LINGO2: variants seen among roughly 807,000 people sequenced by gnomAD.
LINGO2 encodes leucine rich repeat and Ig domain containing 2.
In LINGO2, 14 loss-of-function variants were observed where a neutral mutation model predicts 30.6. The ratio of observed to expected loss-of-function variants is 0.46; its 90% CI spans 0.30 to 0.72. The LOEUF (loss-of-function observed/expected upper bound fraction) is 0.72, where lower values mean the gene tolerates loss of function less well. Among genes scored for constraint, LINGO2 ranks in the 30% least tolerant of loss-of-function variants. The pLI is 0.07. For missense variants in LINGO2, 729 were observed against 751.7 expected (o/e 0.97, Z 0.35); for synonymous variants, 317 against 288.5 (o/e 1.10, Z -1.00).
chr9:28,013,991 C>T (rs867503802), intron 4 of LINGO2, among the ~76,000 whole-genome samples: 1 of 152,146 alleles, frequency 6.6e-6, no homozygotes, highest in Non-Finnish European at 1.5e-5. Context: ...GAAGTACATG[C>T]TCTGGTATTT....
chr9:28,551,090 G>A (rs1193080321), intron 1 of LINGO2, among the ~76,000 whole-genome samples: 2 of 151,676 alleles, frequency 1.3e-5, no homozygotes, highest in African/African-American at 4.8e-5. Context: ...ATACATAAAG[G>A]CAGTAAAGTC....
intron 4 of LINGO2, among the ~76,000 whole-genome samples, chr9:28,054,107 G>A (rs139963915): frequency 4.9e-4 from 75 of 152,126 alleles, no homozygotes; most frequent in African/African-American, 1.7e-3. Flanking sequence ...GAGGTGGGGA[G>A]AAGCCTGTTA....
intron 1 of LINGO2, among the ~76,000 whole-genome samples, chr9:28,650,374 T>TGGG (rs1828039503): frequency 6.6e-6 from 1 of 152,160 alleles, no homozygotes; most frequent in Non-Finnish European, 1.5e-5. Flanking sequence ...ATCTCCAAAT[T>TGGG]CGCAAATGTA....
At chr9:27,958,494 A>G (rs1668007609) in intron 5 of LINGO2, among the ~76,000 whole-genome samples, 1 of 152,118 alleles carries the variant, frequency 6.6e-6, no homozygotes, top group South Asian at 2.1e-4. Flanking sequence ...TTTATTACTA[A>G]TGGTCAACTG....
upstream of LINGO2, among the ~76,000 whole-genome samples, chr9:28,673,469 C>A (rs1319263171): frequency 6.6e-6 from 1 of 152,014 alleles, no homozygotes. Flanking sequence ...CAGTTTGAGA[C>A]CAGCCTGGCC....
At chr9:28,813,847 G>C in the LINGO2 span, among the ~76,000 whole-genome samples, 1 of 152,132 alleles carries the variant, frequency 6.6e-6, no homozygotes, top group Admixed American at 6.5e-5. Context: ...TAGTGAGATA[G>C]TTTCCTTTAA....
In LINGO2 at chr9:28,557,724, A is replaced by T. The variant is rs541333084; in HGVS notation, c.-364-81699T>A. 2.5e-3 allele frequency among the ~76,000 whole-genome samples: 372 copies of T among 151,076 alleles called. 4 individuals are homozygous for T. Among genetic ancestry groups the T allele is most frequent in the African/African-American group, 8.8e-3 (357 of 40,798 alleles). On this transcript the variant is annotated intron_variant, in intron 1 of 5. Transcript: ENST00000379992. Reference sequence around the variant, plus strand: ...TATGTTTATTGCGGCATTATTCACAATAGCAAAGACTTGGAACCAACCCAA... The same window carrying T: ...TATGTTTATTGCGGCATTATTCACATTAGCAAAGACTTGGAACCAACCCAA...
chr9:29,213,303 T>C, the LINGO2 span, among the ~76,000 whole-genome samples: 1 of 151,888 alleles, frequency 6.6e-6, no homozygotes, highest in African/African-American at 2.4e-5. Context: ...CCCCCCTTTC[T>C]CCCCTTAATT....
chr9:28,335,443 T>C (rs1453029942), intron 3 of LINGO2, among the ~76,000 whole-genome samples: 2 of 152,162 alleles, frequency 1.3e-5, no homozygotes, highest in African/African-American at 4.8e-5. Flanking sequence ...AAATTTCATA[T>C]TCTACTGCAC....
intron 2 of LINGO2, among the ~76,000 whole-genome samples, chr9:28,373,520 A>C (rs10757735): frequency 0.78 from 119,242 of 152,094 alleles, 47,969 homozygotes; most frequent in Middle Eastern, 0.9. Context: ...ATTTACCCAA[A>C]CGATGTTTTT....
At chr9:27,942,909 G>T in the LINGO2 span, 5 of 152,038 alleles carry the variant, frequency 3.3e-5, no homozygotes, top group Non-Finnish European at 7.4e-5. Context: ...AAGCAACTCA[G>T]GTTTTTATGA....
chr9:28,369,561 C>G (rs61156420), intron 3 of LINGO2, among the ~76,000 whole-genome samples: 5,365 of 152,210 alleles, frequency 0.035, 190 homozygotes, highest in East Asian at 0.11. Flanking sequence ...ATTCTTATCT[C>G]TCCTCTTCCA....
intron 4 of LINGO2, among the ~76,000 whole-genome samples, chr9:28,206,156 C>A (rs1334391544): frequency 9.2e-6 from 1 of 108,468 alleles, no homozygotes; most frequent in Non-Finnish European, 1.7e-5. Context: ...CAGAGTGAGA[C>A]CCTGTTTCAA....
At chr9:28,910,555 T>A in the LINGO2 span, among the ~76,000 whole-genome samples, 1 of 152,030 alleles carries the variant, frequency 6.6e-6, no homozygotes, top group Non-Finnish European at 1.5e-5. Flanking sequence ...GGGGGCAAAC[T>A]TCCCCCTTGC....
chr9:28,231,469 AT>A (rs1216544985), intron 4 of LINGO2, among the ~76,000 whole-genome samples: 6 of 152,164 alleles, frequency 3.9e-5, no homozygotes, highest in African/African-American at 1.4e-4. Context: ...GAAATGTTTA[AT>A]TTTTTAAAAG....
the LINGO2 span, among the ~76,000 whole-genome samples, chr9:29,158,752 CTGTGTGTATATG>C: frequency 2.0e-5 from 3 of 151,728 alleles, no homozygotes; most frequent in Non-Finnish European, 4.4e-5. Flanking sequence ...GTGTTTGTGT[CTGTGTGTATATG>C]TGTGTGTATG....
chr9:28,937,387 C>T, the LINGO2 span, among the ~76,000 whole-genome samples: 10 of 152,058 alleles, frequency 6.6e-5, no homozygotes, highest in South Asian at 1.0e-3. Context: ...AATGGTAGGA[C>T]GGACATAGGA....
chr9:27,987,166 A>G (rs1245879792), intron 5 of LINGO2, among the ~76,000 whole-genome samples: 1 of 151,896 alleles, frequency 6.6e-6, no homozygotes, highest in Non-Finnish European at 1.5e-5. Flanking sequence ...GTCTTCTAAA[A>G]TGAATAAAAT....
At chr9:28,432,087 T>C (rs1823702458) in intron 2 of LINGO2, among the ~76,000 whole-genome samples, 1 of 152,118 alleles carries the variant, frequency 6.6e-6, no homozygotes, top group Admixed American at 6.6e-5. Flanking sequence ...CCATACTCTA[T>C]AAAAGCACTG....
Sources: allele counts gnomAD v4.1 joint callset (sites outside exome capture counted in the v4.1 genomes callset), GRCh38; gene constraint gnomAD v4.1.1; transcripts MANE v1.5; gene names NCBI Gene and HGNC (gene_info 2026-07-23, HGNC 2026-07-21).